HFM1: variants seen among roughly 807,000 people sequenced by gnomAD.
HFM1 encodes helicase for meiosis 1, also known as probable ATP-dependent DNA helicase HFM1.
A neutral mutation model predicts 192.1 loss-of-function variants in HFM1; 169 were observed. The observed-to-expected ratio is 0.88, with a 90% CI of 0.78 to 1.00. HFM1 has a LOEUF of 1.00. Ranked by LOEUF, HFM1 falls within the 50% of genes least tolerant of loss-of-function variation. The pLI is 0.00. For missense variants in HFM1, 1,661 were observed against 1,668.0 expected, an observed-to-expected ratio of 1.00 and a Z score of 0.07; for synonymous variants, 525 against 537.8, an observed-to-expected ratio of 0.98 and a Z score of 0.33.
intron 4 of HFM1, among the ~76,000 whole-genome samples, chr1:91,391,438 A>G (rs1662977146): frequency 6.6e-6 from 1 of 152,250 alleles, no homozygotes; most frequent in African/African-American, 2.4e-5. Flanking sequence ...AGCCCTCAGA[A>G]ATAATATCAC....
intron 13 of HFM1, among the ~76,000 whole-genome samples, chr1:91,375,141 A>T (rs1176101606): frequency 3.9e-5 from 6 of 152,096 alleles, no homozygotes; most frequent in Non-Finnish European, 7.4e-5. Flanking sequence ...AAAAAAATAG[A>T]TAGTAGTATG....
chr1:91,404,901 C>T (rs544716134), upstream of HFM1: 210 of 454,610 alleles, frequency 4.6e-4, no homozygotes, highest in South Asian at 1.2e-3. Flanking sequence ...ATCGCCCAAG[C>T]CCCCAACCTC....
intron 21 of HFM1, 65 bp from the exon 22 acceptor site, chr1:91,323,264 C>A: frequency 1.2e-6 from 1 of 868,576 alleles, no homozygotes. Flanking sequence ...ATCCTTTCTC[C>A]AAATTTATTT....
chr1:91,372,426 T>C (rs1034575138), intron 13 of HFM1, among the ~76,000 whole-genome samples: 6 of 152,230 alleles, frequency 3.9e-5, no homozygotes, highest in African/African-American at 1.4e-4. Context: ...TGATGAGTTA[T>C]GTCCTTTGTA....
intron 30 of HFM1, among the ~76,000 whole-genome samples, chr1:91,305,235 G>T (rs1225784470): frequency 6.6e-6 from 1 of 152,134 alleles, no homozygotes; most frequent in Non-Finnish European, 1.5e-5. Flanking sequence ...TACAGACTTT[G>T]TTGAATTTAT....
Position 91,270,312 on chromosome 1 carries a change from T to C in HFM1, c.3773-2457A>G, listed in dbSNP as rs184409474. On this transcript the variant is annotated intron_variant, in intron 34 of 38. Coordinates refer to ENST00000370425, the MANE Select transcript of HFM1 (RefSeq NM_001017975.6). ...AGGACACTTTAGCAGCTTAACAAAG[T>C]AAAGAGTTCATTCATTGAGCTAAGG... is the stretch of plus-strand genomic sequence containing the variant. Among the ~76,000 whole-genome samples the C allele has an allele frequency of 3.3e-5, 5 of 152,132 alleles. 1 individual carries two copies. The South Asian group carries it at 6.2e-4, about 19-fold the overall frequency.
At chr1:91,359,884 C>A (rs1194009959) in intron 13 of HFM1, among the ~76,000 whole-genome samples, 1 of 152,148 alleles carries the variant, frequency 6.6e-6, no homozygotes, top group Non-Finnish European at 1.5e-5. Context: ...AGTCAGGTCA[C>A]CTACAAAGGG....
chr1:91,299,990 T>A (rs1458317869), intron 30 of HFM1, among the ~76,000 whole-genome samples: 1 of 151,964 alleles, frequency 6.6e-6, no homozygotes, highest in Non-Finnish European at 1.5e-5. Context: ...AATCAATGAA[T>A]CCAGGAGCTG....
chr1:91,296,281 C>G (rs1276206155), intron 30 of HFM1, among the ~76,000 whole-genome samples: 1 of 152,124 alleles, frequency 6.6e-6, no homozygotes, highest in Non-Finnish European at 1.5e-5. Flanking sequence ...GAAAGACTGT[C>G]CGTTTTCCAA....
chr1:91,400,504 T>TA (rs1664185875), intron 2 of HFM1, among the ~76,000 whole-genome samples: 1 of 150,540 alleles, frequency 6.6e-6, no homozygotes, highest in African/African-American at 2.4e-5. Flanking sequence ...TTTCTTTTGA[T>TA]AGAGTTTCAC....
intron 13 of HFM1, among the ~76,000 whole-genome samples, chr1:91,371,239 T>A: frequency 6.6e-6 from 1 of 151,644 alleles, no homozygotes; most frequent in Admixed American, 6.6e-5. Flanking sequence ...TGGAAAAAAC[T>A]ACTTTAAAGT....
At chr1:91,386,287 G>C (rs1662211912) in intron 4 of HFM1, among the ~76,000 whole-genome samples, 1 of 152,200 alleles carries the variant, frequency 6.6e-6, no homozygotes, top group Non-Finnish European at 1.5e-5. Context: ...ACAACCCTAT[G>C]AAGAGGCCCA....
chr1:91,343,264 T>C (rs1224048881), intron 20 of HFM1, among the ~76,000 whole-genome samples, 166 bp downstream of exon 20: 2 of 126,198 alleles, frequency 1.6e-5, no homozygotes, highest in East Asian at 4.7e-4. Flanking sequence ...CTATTACAAA[T>C]AGGACTTGTT....
chr1:91,288,550 G>C (rs1179030969), intron 30 of HFM1, among the ~76,000 whole-genome samples: 1 of 151,830 alleles, frequency 6.6e-6, no homozygotes, highest in East Asian at 1.9e-4. Flanking sequence ...TTGTGTCCCT[G>C]GGTACTTGAG....
At chr1:91,296,621 T>A (rs1438339227) in intron 30 of HFM1, among the ~76,000 whole-genome samples, 1 of 152,192 alleles carries the variant, frequency 6.6e-6, no homozygotes, top group African/African-American at 2.4e-5. Context: ...TGGGGAGAAC[T>A]GACATCTTTA....
At position 91,313,374 on chromosome 1, in the gene HFM1, T is replaced by C; in HGVS notation, c.3366A>G (p.Ile1122Met). ...TQISHSKHSDISTIAGPNKGT... is the reference protein window; with the variant it reads ...TQISHSKHSDMSTIAGPNKGT... ...CTTTATTAGGTCCTGCTATTGTAGA[T>C]ATGTCTGAATGTTTAGAATGGGAAA... The change falls in exon 30 of 39, where the codon ATA (isoleucine) becomes ATG (methionine). Residue 1122 changes from isoleucine to methionine, a missense_variant. Coordinates refer to ENST00000370425, the MANE Select transcript of HFM1 (RefSeq NM_001017975.6). 1.3e-6 allele frequency: 2 copies of C among 1,584,524 alleles called. No homozygotes were observed. Among genetic ancestry groups the C allele is most frequent in the Non-Finnish European group, 1.7e-6 (2 of 1,159,132 alleles).
At chr1:91,314,548 C>T (rs1373276320) in intron 28 of HFM1, among the ~76,000 whole-genome samples, 1 of 152,048 alleles carries the variant, frequency 6.6e-6, no homozygotes, top group Non-Finnish European at 1.5e-5. Flanking sequence ...GTGAGCCACT[C>T]CATCCAATCC....
chr1:91,369,335 C>A (rs1443148785), intron 13 of HFM1, among the ~76,000 whole-genome samples: 2 of 152,132 alleles, frequency 1.3e-5, no homozygotes, highest in African/African-American at 4.8e-5. Context: ...CCAAAATTGA[C>A]CACATAGTTG....
intron 23 of HFM1, among the ~76,000 whole-genome samples, chr1:91,319,970 G>C (rs1051717294): frequency 1.3e-5 from 2 of 152,264 alleles, no homozygotes; most frequent in Middle Eastern, 3.4e-3. Context: ...CTAAATTTGA[G>C]GTGTTAGTTG....
Sources: allele counts gnomAD v4.1 joint callset (sites outside exome capture counted in the v4.1 genomes callset), GRCh38; gene constraint gnomAD v4.1.1; transcripts MANE v1.5; gene names NCBI Gene and HGNC (gene_info 2026-07-23, HGNC 2026-07-21).